Variants in FGD5 observed in about 807,000 individuals in gnomAD.
The protein encoded by FGD5 is FYVE, RhoGEF and PH domain-containing protein 5.
A neutral mutation model predicts 133.4 loss-of-function variants in FGD5; 28 were observed. The observed-to-expected ratio is 0.21, with a 90% CI of 0.16 to 0.29. The LOEUF is 0.29. FGD5 is among the 10% of genes least tolerant of loss of function. The pLI is 1.00. For synonymous variants in FGD5, 810 were observed against 776.5 expected (o/e 1.04, Z -0.72); for missense variants, 1,858 against 1,895.2 (o/e 0.98, Z 0.36).
intron 4 of FGD5, among the ~76,000 whole-genome samples, chr3:14,885,263 G>A (rs1040542841): frequency 4.0e-5 from 6 of 151,212 alleles, no homozygotes; most frequent in Admixed American, 2.0e-4. Flanking sequence ...GCTTTACACA[G>A]CCCTCTGTAT....
intron 16 of FGD5, 128 bp downstream of exon 16, chr3:14,923,303 G>C: frequency 7.5e-7 from 1 of 1,332,320 alleles, no homozygotes; most frequent in Non-Finnish European, 1.0e-6. Flanking sequence ...TCACTCCATG[G>C]AGGGAGGAAA....
intron 1 of FGD5, among the ~76,000 whole-genome samples, chr3:14,824,752 A>G (rs929956669): frequency 4.2e-4 from 64 of 152,324 alleles, no homozygotes; most frequent in African/African-American, 1.5e-3. Context: ...TATTTAGAAA[A>G]ATGTAATGGA....
chr3:14,851,026 CTTCTAG>C (rs2037153222), intron 1 of FGD5, among the ~76,000 whole-genome samples: 1 of 152,064 alleles, frequency 6.6e-6, no homozygotes, highest in Non-Finnish European at 1.5e-5. Context: ...GTGAGAAGGG[CTTCTAG>C]TTCTAGTTCT....
At chr3:14,899,033 C>T (rs1376747692) in intron 7 of FGD5, among the ~76,000 whole-genome samples, 1 of 152,132 alleles carries the variant, frequency 6.6e-6, no homozygotes, top group Non-Finnish European at 1.5e-5. Context: ...CCTCCAGTGG[C>T]CACCCCTGAT....
intron 8 of FGD5, among the ~76,000 whole-genome samples, chr3:14,900,726 G>T (rs1327084858): frequency 6.6e-6 from 1 of 152,156 alleles, no homozygotes; most frequent in Non-Finnish European, 1.5e-5. Flanking sequence ...GATAGGAGGG[G>T]TGGTGCCAGG....
At chr3:14,826,660 G>A (rs1489337515) in intron 1 of FGD5, among the ~76,000 whole-genome samples, 1 of 152,212 alleles carries the variant, frequency 6.6e-6, no homozygotes, top group African/African-American at 2.4e-5. Flanking sequence ...TGACATGACC[G>A]AGGTCACATA....
intron 13 of FGD5, 32 bp from the exon 14 acceptor site, chr3:14,921,886 C>G (rs1305342081): frequency 1.3e-6 from 2 of 1,550,796 alleles, no homozygotes; most frequent in African/African-American, 2.7e-5. Context: ...AGAGCTGCTC[C>G]TGCCTTTGCT....
intron 10 of FGD5, among the ~76,000 whole-genome samples, chr3:14,909,017 C>G (rs2038396328): frequency 6.6e-6 from 1 of 150,958 alleles, no homozygotes; most frequent in Non-Finnish European, 1.5e-5. Context: ...GCTCTTGTTG[C>G]CCAGGCTGGA....
chr3:14,871,836 TG>T (rs1449360744), intron 2 of FGD5, among the ~76,000 whole-genome samples: 1 of 152,250 alleles, frequency 6.6e-6, no homozygotes, highest in Non-Finnish European at 1.5e-5. Context: ...GTTTGGTATG[TG>T]GTCCACAGAT....
chr3:14,814,019 T>A (rs530803828), upstream of FGD5, among the ~76,000 whole-genome samples: 3 of 152,310 alleles, frequency 2.0e-5, no homozygotes, highest in Admixed American at 2.0e-4. Context: ...ACTCCTGCCA[T>A]CTTGGCTCAA....
In FGD5 at chr3:14,857,619, C is replaced by G. The variant is rs144255498; in HGVS notation, c.2526-6509C>G. On this transcript the variant is annotated intron_variant, in intron 1 of 19. Transcript: ENST00000285046. ...AGCAAGGAAACAGATATGAAGTTGC[C>G]TATAAGTTGTAAGGTACTGTAGAGA... Among the ~76,000 whole-genome samples, 634 of 152,248 alleles carry G rather than the reference C, an allele frequency of 4.2e-3. 2 individuals are homozygous for G. Among genetic ancestry groups the G allele is most frequent in the African/African-American group, 0.014 (595 of 41,540 alleles).
At chr3:14,842,673 C>T (rs1366654499) in intron 1 of FGD5, among the ~76,000 whole-genome samples, 3 of 152,218 alleles carry the variant, frequency 2.0e-5, no homozygotes, top group East Asian at 1.9e-4. Context: ...CAGCAGCTTC[C>T]TTGTCCTTCT....
At chr3:14,886,188 C>T (rs73139489) in intron 4 of FGD5, among the ~76,000 whole-genome samples, 13,020 of 152,198 alleles carry the variant, frequency 0.086, 1,887 homozygotes, top group African/African-American at 0.3. Context: ...ATCTATATCC[C>T]AGGCAGGAAG....
At chr3:14,912,912 T>C (rs566929002) in intron 11 of FGD5, among the ~76,000 whole-genome samples, 2 of 152,270 alleles carry the variant, frequency 1.3e-5, no homozygotes, top group Middle Eastern at 3.4e-3. Flanking sequence ...GGCGTGTCCC[T>C]GTAGTCCTAG....
intron 1 of FGD5, among the ~76,000 whole-genome samples, chr3:14,822,063 G>T (rs1365050349): frequency 2.0e-5 from 3 of 151,498 alleles, no homozygotes; most frequent in African/African-American, 7.3e-5. Flanking sequence ...TCACGCAACT[G>T]TACTCCAACC....
At chr3:14,923,350 T>C in intron 16 of FGD5, 175 bp downstream of exon 16, 2 of 865,846 alleles carry the variant, frequency 2.3e-6, no homozygotes, top group Admixed American at 5.9e-5. Context: ...ATGTGGATTC[T>C]GTGGAAAATT....
chr3:14,923,224 C>T, intron 16 of FGD5, 49 bp downstream of exon 16: 4 of 1,576,014 alleles, frequency 2.5e-6, no homozygotes, highest in Non-Finnish European at 3.4e-6. Flanking sequence ...GTGGCTTCTC[C>T]CCAGGCTCCA....
chr3:14,897,850 C>T (rs1320535213), intron 5 of FGD5, 89 bp from the exon 6 acceptor site: 3 of 1,546,458 alleles, frequency 1.9e-6, no homozygotes, highest in Non-Finnish European at 2.6e-6. Context: ...GATCTGCACC[C>T]AGGGATGTGA....
chr3:14,910,304 C>G (rs572708706), intron 10 of FGD5, among the ~76,000 whole-genome samples: 2 of 152,134 alleles, frequency 1.3e-5, no homozygotes, highest in Non-Finnish European at 2.9e-5. Context: ...ACTTGGCACC[C>G]GCACGCATCT....
Sources: gnomAD v4.1 joint callset for allele counts (sites outside exome capture counted in the v4.1 genomes callset) on GRCh38, gnomAD v4.1.1 for gene constraint, MANE v1.5 for transcripts, NCBI Gene and HGNC (gene_info 2026-07-23, HGNC 2026-07-21) for gene names.